The following ADAP1 variants were observed in gnomAD, a reference collection of about 807,000 sequenced individuals.
The protein encoded by ADAP1 is arf-GAP with dual PH domain-containing protein 1.
Under a neutral mutation model 54.9 loss-of-function variants are expected in ADAP1, and 31 were observed. The ratio of observed to expected loss-of-function variants is 0.56; its 90% confidence interval spans 0.42 to 0.76. ADAP1 has a LOEUF of 0.76. ADAP1 is among the 30% of genes least tolerant of loss of function. The pLI, the probability that ADAP1 is intolerant of heterozygous loss-of-function variation, is 0.00. For synonymous variants in ADAP1, 313 were observed against 202.6 expected (o/e 1.55, Z -4.63); for missense variants, 535 against 512.4 (o/e 1.04, Z -0.42).
chr7:903,295 A>T (rs1241823399), intron 6 of ADAP1, among the ~76,000 whole-genome samples: 1 of 152,082 alleles, frequency 6.6e-6, no homozygotes, highest in Non-Finnish European at 1.5e-5. Flanking sequence ...CAGGCAGGGG[A>T]CGGGCACGTG....
chr7:949,688 G>T (rs937436990), intron 1 of ADAP1, among the ~76,000 whole-genome samples: 4 of 152,158 alleles, frequency 2.6e-5, no homozygotes, highest in Admixed American at 6.5e-5. Flanking sequence ...GCTGAAGTTG[G>T]GGGGAGCCTG....
intron 4 of ADAP1, among the ~76,000 whole-genome samples, chr7:911,185 CTGTTCCCAGGGG>C (rs1845707544): frequency 6.6e-6 from 1 of 152,190 alleles, no homozygotes; most frequent in Non-Finnish European, 1.5e-5. Flanking sequence ...GGAGGCTTCC[CTGTTCCCAGGGG>C]TGAGGCCAGA....
chr7:921,068 T>C (rs10250309), intron 3 of ADAP1, among the ~76,000 whole-genome samples: 129,992 of 152,102 alleles, frequency 0.85, 55,750 homozygotes, highest in East Asian at 0.97. Flanking sequence ...CACCCCAAAA[T>C]TCGGTCCCCG....
At chr7:906,884 C>A (rs1845484607) in intron 4 of ADAP1, among the ~76,000 whole-genome samples, 1 of 137,284 alleles carries the variant, frequency 7.3e-6, no homozygotes, top group African/African-American at 2.7e-5. Flanking sequence ...TGGCTGCAAC[C>A]CTGGCCCAAG....
At chr7:905,281 C>G in intron 4 of ADAP1, 109 bp from the exon 5 acceptor site, 7 of 269,006 alleles carry the variant, frequency 2.6e-5, no homozygotes, top group South Asian at 9.6e-5. Context: ...ACGGGGGACA[C>G]GGACGGGGGA....
intron 4 of ADAP1, among the ~76,000 whole-genome samples, chr7:918,695 C>T (rs921709000): frequency 6.6e-6 from 1 of 152,188 alleles, no homozygotes; most frequent in Non-Finnish European, 1.5e-5. Flanking sequence ...GGCCCTAGGG[C>T]TAGGCTTGCC....
Position 904,980 on chromosome 7 carries a change from C to A in ADAP1, c.501+80G>T. ...CAGGGAGGGCAGCTGCGGATGGACG[C>A]GGCCACCACAGGCCCCAGTGTGGGA... On this transcript the variant is annotated intron_variant, in intron 5 of 10. Coordinates refer to ENST00000265846, the MANE Select transcript of ADAP1 (RefSeq NM_006869.4). 4 of 1,265,954 alleles carry A rather than the reference C, an allele frequency of 3.2e-6. No homozygotes were observed. The South Asian group carries it at 4.8e-5, about 15-fold the overall frequency. The allele number at this position is 1,265,954 out of a possible 1,614,324, so 78.4% of individuals were successfully genotyped here. A position where few individuals can be genotyped will look rare whatever the true frequency, so the allele number is the denominator to read the frequency against.
Position 905,275 on chromosome 7 carries a change from G to A in ADAP1, c.389-103C>T, listed in dbSNP as rs542166024. ...GAGGGGACATGGGGAGAAGACACGG[G>A]GGACACGGACGGGGGACACGGACAG... is the stretch of plus-strand genomic sequence containing the variant. On this transcript the variant is annotated intron_variant, in intron 4 of 10. Coordinates refer to ENST00000265846, the MANE Select transcript of ADAP1 (RefSeq NM_006869.4). 6.6e-6 allele frequency: 3 copies of A among 456,614 alleles called. 1 individual carries two copies. Among genetic ancestry groups the A allele is most frequent in the East Asian group, 1.1e-4 (2 of 18,498 alleles). The allele number at this position is 456,614 out of a possible 1,614,324, so 28.3% of individuals were successfully genotyped here. A position where few individuals can be genotyped will look rare whatever the true frequency, so the allele number is the denominator to read the frequency against.
chr7:933,281 AAG>A (rs1261459775), intron 2 of ADAP1, among the ~76,000 whole-genome samples: 1 of 151,692 alleles, frequency 6.6e-6, no homozygotes, highest in Non-Finnish European at 1.5e-5. Flanking sequence ...AAAAAAAAAA[AAG>A]AATTCCTGGG....
chr7:936,820 G>C (rs1282259583), intron 1 of ADAP1, among the ~76,000 whole-genome samples: 1 of 152,246 alleles, frequency 6.6e-6, no homozygotes, highest in Non-Finnish European at 1.5e-5. Context: ...ACCCAAGCCT[G>C]TTTGGGGAAT....
At chr7:919,666 G>C (rs373854578) in intron 4 of ADAP1, among the ~76,000 whole-genome samples, 9 of 93,550 alleles carry the variant, frequency 9.6e-5, no homozygotes, top group Admixed American at 7.8e-4. Flanking sequence ...GAGATAAAGA[G>C]AGACAGAAGG....
intron 2 of ADAP1, among the ~76,000 whole-genome samples, chr7:931,633 C>T (rs1018913104): frequency 2.0e-5 from 3 of 152,114 alleles, no homozygotes; most frequent in Non-Finnish European, 2.9e-5. Flanking sequence ...CTAATATTGG[C>T]TTCAGCGAAG....
Position 920,765 on chromosome 7 carries a change from C to T in ADAP1, c.306-715G>A. On this transcript the variant is annotated intron_variant, in intron 3 of 10. Coordinates refer to ENST00000265846, the MANE Select transcript of ADAP1 (RefSeq NM_006869.4). This position sits in a 1 kb window ranked among gnomAD's most constrained non-coding sequence, Gnocchi z 4.5. ...GCCCAGAGCCACCCACCACGGCCTC[C>T]CCATCCACCGTGACTCACTCGAGTG... 1 of 1,546,418 alleles carries T rather than the reference C, an allele frequency of 6.5e-7. No individual in the cohort carries two copies. Among genetic ancestry groups the T allele is most frequent in the Non-Finnish European group, 8.7e-7 (1 of 1,144,242 alleles).
At chr7:907,799 G>C (rs910472865) in intron 4 of ADAP1, among the ~76,000 whole-genome samples, 3 of 152,206 alleles carry the variant, frequency 2.0e-5, no homozygotes, top group Non-Finnish European at 4.4e-5. Context: ...TGCGTGGCCA[G>C]GGTCGAGCAG....
Position 904,180 on chromosome 7 carries a change from G to C in ADAP1, c.594C>G (p.Thr198=), listed in dbSNP as rs374403101. The C allele has an allele frequency of 2.2e-5, 36 of 1,612,520 alleles. 2 individuals are homozygous for C. The Middle Eastern group carries it at 5.8e-3, about 259-fold the overall frequency. Residue 198 remains threonine, a synonymous_variant, in exon 6 of 11, where the codon ACC becomes ACG. Transcript: ENST00000265846. ...TACGGGTGCTGTTGTCCTTCAGGTA[G>C]GTGACCTGCAGGCCGTGGGGGTGGC... ...KIGHPHGLQV[T]YLKDNSTRNI...
At chr7:899,956 C>G in intron 8 of ADAP1, 146 bp downstream of exon 8, 2 of 1,006,656 alleles carry the variant, frequency 2.0e-6, no homozygotes, top group East Asian at 2.4e-5. Flanking sequence ...TCGGGGACCC[C>G]GGCCAGGCAC....
intron 2 of ADAP1, chr7:927,641 C>T (rs569738647): frequency 7.4e-5 from 27 of 363,520 alleles, no homozygotes; most frequent in African/African-American, 4.6e-4. Flanking sequence ...ATTTAAAATT[C>T]GAAAACCAAT....
Position 904,392 on chromosome 7 carries a change from G to C in ADAP1, c.502-120C>G, listed in dbSNP as rs918517116. On this transcript the variant is annotated intron_variant, in intron 5 of 10. Transcript: ENST00000265846. Reference sequence around the variant, plus strand: ...TGCTGTGCTGTGTGGCTTTGGGCAAGTTACTTAAGCGCTCTGAGCCTTGGC... The same window carrying C: ...TGCTGTGCTGTGTGGCTTTGGGCAACTTACTTAAGCGCTCTGAGCCTTGGC... The C allele has an allele frequency of 4.5e-6, 6 of 1,320,982 alleles. No homozygotes were observed. The East Asian group carries it at 7.6e-5, about 17-fold the overall frequency. The allele number at this position is 1,320,982 out of a possible 1,614,324, so 81.8% of individuals were successfully genotyped here.
chr7:919,855 GAGAT>G (rs2128104681), intron 4 of ADAP1, 109 bp downstream of exon 4: 1 of 381,876 alleles, frequency 2.6e-6, no homozygotes, highest in African/African-American at 5.0e-5. Context: ...GGGAGGGAAA[GAGAT>G]GGGGGAGGGA....
Sources: gnomAD v4.1 joint callset for allele counts (sites outside exome capture counted in the v4.1 genomes callset) on GRCh38, gnomAD v4.1.1 for gene constraint, Gnocchi (gnomAD v3.1) non-coding constraint, MANE v1.5 for transcripts, NCBI Gene and HGNC (gene_info 2026-07-23, HGNC 2026-07-21) for gene names.